The following FAM217B variants were observed in gnomAD, a reference collection of about 807,000 sequenced individuals.
The protein encoded by FAM217B is protein FAM217B.
For synonymous variants in FAM217B, 163 were observed against 173.0 expected, an observed-to-expected ratio of 0.94 and a Z score of 0.45; for missense variants, 463 against 456.9, an observed-to-expected ratio of 1.01 and a Z score of -0.12.
chr20:59,946,988 G>A lies in FAM217B; in HGVS notation c.*1893G>A, dbSNP rs1323757308. The A allele has an allele frequency of 1.2e-5, 2 of 166,928 alleles. No homozygotes were observed. Among genetic ancestry groups the A allele is most frequent in the Non-Finnish European group, 2.9e-5 (2 of 68,094 alleles). 10.3% of individuals were successfully genotyped at this position (166,928 alleles called of 1,614,324 possible). The stretch of plus-strand genomic sequence containing the variant: ...AGATTTTTATGCAGCTCTCTATGAA[G>A]TTTCATGGCCCATAGATATTCAAAA... On this transcript the variant is annotated 3_prime_UTR_variant, in exon 4 of 4. Transcript: ENST00000360816.
At chr20:59,942,534 G>A (rs938387200) in intron 3 of FAM217B, 22 bp downstream of exon 3, 2 of 152,142 alleles carry the variant, frequency 1.3e-5, no homozygotes, top group African/African-American at 4.8e-5. Context: ...TAGTATAATT[G>A]CTTTATCTTG....
In FAM217B at chr20:59,944,785, C is replaced by G; in HGVS notation, c.842C>G (p.Ser281Cys). ...GTGCTTGGTGGTACCAGGTTTTGTT[C>G]TCAGAGGCAAACCCTTGAAATGAGG... Reference protein sequence around the residue: ...IDVLGGTRFCSQRQTLEMRTE... With the variant: ...IDVLGGTRFCCQRQTLEMRTE... The change falls in exon 4 of 4, where the codon TCT (serine) becomes TGT (cysteine). Residue 281 changes from serine (S) to cysteine (C), a missense_variant. Transcript: ENST00000360816. 6.2e-7 allele frequency: 1 copy of G among 1,614,142 alleles called. No homozygotes were observed. The highest frequency in any genetic ancestry group is 8.5e-7 in the Non-Finnish European group (1 of 1,180,030).
upstream of FAM217B, chr20:59,939,480 G>C (rs1328753482): frequency 2.5e-6 from 4 of 1,612,092 alleles, no homozygotes; most frequent in African/African-American, 5.3e-5. Context: ...GCAATGCAGG[G>C]TGAACTCCAG....
upstream of FAM217B, chr20:59,938,707 CAGG>C (rs1273101094): frequency 4.1e-6 from 1 of 245,898 alleles, no homozygotes; most frequent in Non-Finnish European, 7.7e-6. Flanking sequence ...CTTTTCCTAG[CAGG>C]AGGACTTGGG....
upstream of FAM217B, chr20:59,939,547 G>A (rs755331391): frequency 1.5e-5 from 24 of 1,611,774 alleles, no homozygotes; most frequent in Non-Finnish European, 1.9e-5. Context: ...AGCACGTGCA[G>A]CGGCACGGAC....
At position 59,946,174 on chromosome 20, in the gene FAM217B, C is replaced by T. The variant is rs906352825; in HGVS notation, c.*1079C>T. 7 of 167,014 alleles carry T rather than the reference C, an allele frequency of 4.2e-5. No individual in the cohort carries two copies. Among genetic ancestry groups the T allele is most frequent in the South Asian group, 2.1e-4 (1 of 4,822 alleles). 10.3% of individuals were successfully genotyped at this position (167,014 alleles called of 1,614,324 possible). ...AAGGTTGCTGAATGAATTCTAAACTCGCTTATCTGGTCTTCAGGCTTCCCA... is the reference window on the plus strand; with the variant it reads ...AAGGTTGCTGAATGAATTCTAAACTTGCTTATCTGGTCTTCAGGCTTCCCA... On this transcript the variant is annotated 3_prime_UTR_variant, in exon 4 of 4. Transcript: ENST00000360816.
At chr20:59,939,090 T>C, upstream of FAM217B, 1 of 1,592,806 alleles carries the variant, frequency 6.3e-7, no homozygotes, top group Non-Finnish European at 8.5e-7. Flanking sequence ...CAGCGCGTGG[T>C]TGCGACATGT....
At chr20:59,937,358 C>T (rs1318373370), upstream of FAM217B, 1 of 152,634 alleles carries the variant, frequency 6.6e-6, no homozygotes, top group African/African-American at 2.4e-5. Context: ...ATGTAGTGAA[C>T]AGTGCTAATA....
In FAM217B at chr20:59,946,489, A is replaced by G. The variant is rs1228900201; in HGVS notation, c.*1394A>G. On this transcript the variant is annotated 3_prime_UTR_variant, in exon 4 of 4. Coordinates refer to ENST00000360816, the MANE Select transcript of FAM217B (RefSeq NM_022106.3). ...TGTCTGAAAAAATATCAAAAACAGC[A>G]TAAAGACAAGATTATGTAGCTCTAA... 1.8e-5 allele frequency: 3 copies of G among 167,036 alleles called. No individual in the cohort carries two copies. The highest frequency in any genetic ancestry group is 2.9e-5 in the Non-Finnish European group (2 of 68,128). 10.3% of individuals were successfully genotyped at this position (167,036 alleles called of 1,614,324 possible). A position where few individuals can be genotyped will look rare whatever the true frequency, so the allele number is the denominator to read the frequency against.
At chr20:59,933,940 C>T (rs1365963849) in intron 1 of FAM217B, 1 of 152,412 alleles carries the variant, frequency 6.6e-6, no homozygotes, top group Non-Finnish European at 1.5e-5. Context: ...GGAGTCACCC[C>T]CGCCAGCGAG....
upstream of FAM217B, chr20:59,938,845 C>A: frequency 2.0e-6 from 1 of 494,040 alleles, no homozygotes; most frequent in Non-Finnish European, 3.3e-6. Context: ...CTTTTTAGAC[C>A]AAGTGACTCA....
rs1317916336 is a variant in FAM217B, at chr20:59,944,640, A to G, written c.697A>G (p.Lys233Glu). Residue 233 changes from lysine to glutamate, a missense_variant, in exon 4 of 4, where the codon AAG becomes GAG. Lys to Glu is a moderately conservative substitution (Grantham distance 56). Coordinates refer to ENST00000360816, the MANE Select transcript of FAM217B (RefSeq NM_022106.3). ...TAAGCTAATTGCTAGTGCTCTGTCC[A>G]AGCCACTACCTCACCAGGAAGGGGC... ...RSKLIASALSKPLPHQEGASK... is the reference protein window; with the variant it reads ...RSKLIASALSEPLPHQEGASK... 1 of 1,613,992 alleles carries G rather than the reference A, an allele frequency of 6.2e-7. No homozygotes were observed. Among genetic ancestry groups the G allele is most frequent in the African/African-American group, 1.3e-5 (1 of 74,892 alleles).
chr20:59,939,472 A>G, upstream of FAM217B: 1 of 1,612,100 alleles, frequency 6.2e-7, no homozygotes, highest in Non-Finnish European at 8.5e-7. Flanking sequence ...GGCACCAGGC[A>G]ATGCAGGGTG....
chr20:59,939,880 T>A (rs2060889415), upstream of FAM217B: 1 of 1,250,102 alleles, frequency 8.0e-7, no homozygotes, highest in Non-Finnish European at 1.0e-6. Context: ...GGGCCGAGCT[T>A]CCGGGATCCC....
At chr20:59,937,420 C>G (rs535496873), upstream of FAM217B, 1 of 152,710 alleles carries the variant, frequency 6.5e-6, no homozygotes, top group South Asian at 2.1e-4. Context: ...ATTCAGTGTT[C>G]TTATATTAAA....
At chr20:59,939,719 C>A (rs1257656978), upstream of FAM217B, 39 of 1,316,412 alleles carry the variant, frequency 3.0e-5, no homozygotes, top group Non-Finnish European at 3.4e-5. Flanking sequence ...GTGAGCGCGC[C>A]CGCCGCAGGA....
intron 3 of FAM217B, among the ~76,000 whole-genome samples, chr20:59,943,219 C>T (rs1054303131): frequency 3.3e-5 from 5 of 152,206 alleles, no homozygotes; most frequent in African/African-American, 9.7e-5. Flanking sequence ...ATAATGCACA[C>T]AGTATTCATT....
chr20:59,940,156 T>C, upstream of FAM217B: 1 of 399,610 alleles, frequency 2.5e-6, no homozygotes, highest in Non-Finnish European at 4.6e-6. Context: ...AGTGGGGAGT[T>C]TTTCTCTAGT....
chr20:59,941,156 G>A (rs953429634), intron 1 of FAM217B, among the ~76,000 whole-genome samples: 9 of 152,206 alleles, frequency 5.9e-5, no homozygotes, highest in African/African-American at 2.2e-4. Context: ...TTGGTGTAAA[G>A]CATACCAGGT....
Sources: gnomAD v4.1 joint callset for allele counts (sites outside exome capture counted in the v4.1 genomes callset) on GRCh38, gnomAD v4.1.1 for gene constraint, MANE v1.5 for transcripts, NCBI Gene and HGNC (gene_info 2026-07-23, HGNC 2026-07-21) for gene names.